C12orf43: variants seen among roughly 807,000 people sequenced by gnomAD.
C12orf43 encodes the protein chromosome 12 open reading frame 43.
A neutral mutation model predicts 20.6 loss-of-function variants in C12orf43; 15 were observed. The observed-to-expected ratio is 0.73, with a 90% CI of 0.49 to 1.12. The LOEUF (loss-of-function observed/expected upper bound fraction) is 1.12, where lower values mean the gene tolerates loss of function less well. C12orf43 is among the 50% of genes most tolerant of loss of function. The pLI, the probability that C12orf43 is intolerant of heterozygous loss-of-function variation, is 0.00. For synonymous variants in C12orf43, 144 were observed against 130.8 expected (o/e 1.10, Z -0.69); for missense variants, 334 against 344.4 (o/e 0.97, Z 0.24).
Position 121,003,974 on chromosome 12 carries a change from T to A in C12orf43, c.*179A>T. 1 of 687,106 alleles carries A rather than the reference T, an allele frequency of 1.5e-6. No homozygotes were observed. Among genetic ancestry groups the A allele is most frequent in the Non-Finnish European group, 2.5e-6 (1 of 400,594 alleles). The allele number at this position is 687,106 out of a possible 1,614,324, so 42.6% of individuals were successfully genotyped here. On this transcript the variant is annotated 3_prime_UTR_variant, in exon 6 of 6. Coordinates refer to ENST00000288757, the MANE Select transcript of C12orf43 (RefSeq NM_022895.3). ...ATTGGTCTTCTCACCCTACAGCCACTTTTTTGGCCCAACTCTCGAGCAAGC... is the reference window on the plus strand; with the variant it reads ...ATTGGTCTTCTCACCCTACAGCCACATTTTTGGCCCAACTCTCGAGCAAGC...
chr12:121,004,961 G>T lies in C12orf43; in HGVS notation c.452+42C>A. 1 of 1,397,382 alleles carries T rather than the reference G, an allele frequency of 7.2e-7. No individual in the cohort carries two copies. Among genetic ancestry groups the T allele is most frequent in the Non-Finnish European group, 9.6e-7 (1 of 1,045,116 alleles). The allele number at this position is 1,397,382 out of a possible 1,614,324, so 86.6% of individuals were successfully genotyped here. On this transcript the variant is annotated intron_variant, in intron 5 of 5. Coordinates refer to ENST00000288757, the MANE Select transcript of C12orf43 (RefSeq NM_022895.3). This position sits in a 1 kb window ranked among gnomAD's most constrained non-coding sequence, Gnocchi z 5.6. ...CAGGGAACCCACCAAGACAGAAGAG[G>T]AGAAAAAAGGAGGGGACGTGAGGAG...
chr12:121,001,292 G>A lies in C12orf43; in HGVS notation c.*2861C>T. 7.0e-7 allele frequency: 1 copy of A among 1,425,524 alleles called. No homozygotes were observed. Among genetic ancestry groups the A allele is most frequent in the African/African-American group, 1.4e-5 (1 of 71,142 alleles). 88.3% of individuals were successfully genotyped at this position (1,425,524 alleles called of 1,614,324 possible). ...GGACCTGAGCCTGCCGAGCAACCGT[G>A]GCCCTTCCTGGACAGCTGTGCCTCG... On this transcript the variant is annotated 3_prime_UTR_variant, in exon 6 of 6. Transcript: ENST00000288757.
In C12orf43 at chr12:121,003,813, A is replaced by C; in HGVS notation, c.*340T>G. On this transcript the variant is annotated 3_prime_UTR_variant, in exon 6 of 6. Transcript: ENST00000288757. ...TCCCCTGCCCACCTCAGACAGTTCT[A>C]GGGAGATGGAGGTTTCACCACTTGG... 1 of 358,350 alleles carries C rather than the reference A, an allele frequency of 2.8e-6. No individual in the cohort carries two copies. The highest frequency in any genetic ancestry group is 5.3e-6 in the Non-Finnish European group (1 of 190,316). 22.2% of individuals were successfully genotyped at this position (358,350 alleles called of 1,614,324 possible).
chr12:121,009,567 A>G (rs912757275), intron 3 of C12orf43, among the ~76,000 whole-genome samples: 1 of 152,140 alleles, frequency 6.6e-6, no homozygotes, highest in African/African-American at 2.4e-5. Flanking sequence ...TGCTCCTATA[A>G]AAAAGGTCTG....
Position 121,001,207 on chromosome 12 carries a change from C to T in C12orf43, c.*2946G>A, listed in dbSNP as rs1332633990. Reference sequence around the variant, plus strand: ...CCTCCCAGTAACCACGGCACCTGGGCCCTGGGGCCTGTACTGCCTGCTTGG... The same window carrying T: ...CCTCCCAGTAACCACGGCACCTGGGTCCTGGGGCCTGTACTGCCTGCTTGG... On this transcript the variant is annotated 3_prime_UTR_variant, in exon 6 of 6. Transcript: ENST00000288757. 6.2e-7 allele frequency: 1 copy of T among 1,613,674 alleles called. No individual in the cohort carries two copies. The highest frequency in any genetic ancestry group is 8.5e-7 in the Non-Finnish European group (1 of 1,179,880).
In C12orf43 at chr12:121,005,473, G is replaced by T. The variant is rs1877935080; in HGVS notation, c.362-380C>A. 1.3e-5 allele frequency among the ~76,000 whole-genome samples: 2 copies of T among 152,220 alleles called. No homozygotes were observed. Among genetic ancestry groups the T allele is most frequent in the Admixed American group, 6.5e-5 (1 of 15,288 alleles). On this transcript the variant is annotated intron_variant, in intron 4 of 5. Coordinates refer to ENST00000288757, the MANE Select transcript of C12orf43 (RefSeq NM_022895.3). This position sits in a 1 kb window ranked among gnomAD's most constrained non-coding sequence, Gnocchi z 5.6. ...CAAAGTGATTCTGCATCTGCCAAGG[G>T]TCATGCTGATGCCTGATGGAGCCAG... is the stretch of plus-strand genomic sequence containing the variant.
chr12:121,006,320 C>T lies in C12orf43; in HGVS notation c.361+1G>A, dbSNP rs746708789. 1 of 1,612,918 alleles carries T rather than the reference C, an allele frequency of 6.2e-7. No individual in the cohort carries two copies. Among genetic ancestry groups the T allele is most frequent in the Non-Finnish European group, 8.5e-7 (1 of 1,178,878 alleles). ...AGCTTCTATTAAGTATAACCACTCA[C>T]CATCATCCTCCAAAGCGACTTTCTG... is the stretch of plus-strand genomic sequence containing the variant. On this transcript the variant is annotated splice_donor_variant, in intron 4 of 5. Coordinates refer to ENST00000288757, the MANE Select transcript of C12orf43 (RefSeq NM_022895.3). LOFTEE classifies it high-confidence loss of function.
rs1400301617 is a variant in C12orf43 at position 121,002,347 on chromosome 12, A to G, written c.*1806T>C. The G allele has an allele frequency of 6.3e-6, 3 of 475,496 alleles. No homozygotes were observed. Among genetic ancestry groups the G allele is most frequent in the Admixed American group, 5.9e-5 (2 of 34,050 alleles). The allele number at this position is 475,496 out of a possible 1,614,324, so 29.5% of individuals were successfully genotyped here. ...GAACCCAGGACAAGCATGGTCCCAC[A>G]TCCCTGGGCCTGCTGCTGAGAACCT... On this transcript the variant is annotated 3_prime_UTR_variant, in exon 6 of 6. Coordinates refer to ENST00000288757, the MANE Select transcript of C12orf43 (RefSeq NM_022895.3).
rs562435929 is a variant in C12orf43 at position 121,015,975 on chromosome 12, T to C, written c.145+355A>G. Among the ~76,000 whole-genome samples, 8 of 152,152 alleles carry C rather than the reference T, an allele frequency of 5.3e-5. No homozygotes were observed. In the South Asian group the frequency reaches 1.5e-3, roughly 28 times the overall value. Reference sequence around the variant, plus strand: ...CTGGGCACTGCTCTTGGCAACAACCTCCAGGGTGGGAGAATGTGTTGGAGG... The same window carrying C: ...CTGGGCACTGCTCTTGGCAACAACCCCCAGGGTGGGAGAATGTGTTGGAGG... On this transcript the variant is annotated intron_variant, in intron 1 of 5. Transcript: ENST00000288757.
At chr12:121,009,639 G>C (rs1180012419) in intron 3 of C12orf43, among the ~76,000 whole-genome samples, 1 of 152,182 alleles carries the variant, frequency 6.6e-6, no homozygotes, top group African/African-American at 2.4e-5. Context: ...ATCTGTACTG[G>C]GAAGAGGGCT....
Position 121,000,828 on chromosome 12 carries a change from G to A in C12orf43, c.*3325C>T. ...CTACCTACCTCGGCATCTCACCGGG[G>A]CTTCTCCAGTGTTCACACTAAGATG... On this transcript the variant is annotated 3_prime_UTR_variant, in exon 6 of 6. Transcript: ENST00000288757. The A allele has an allele frequency of 1.8e-6, 1 of 560,646 alleles. No individual in the cohort carries two copies. 34.7% of individuals were successfully genotyped at this position (560,646 alleles called of 1,614,324 possible). A position where few individuals can be genotyped will look rare whatever the true frequency, so the allele number is the denominator to read the frequency against.
chr12:121,003,745 G>A lies in C12orf43; in HGVS notation c.*408C>T, dbSNP rs745944268. On this transcript the variant is annotated 3_prime_UTR_variant, in exon 6 of 6. Coordinates refer to ENST00000288757, the MANE Select transcript of C12orf43 (RefSeq NM_022895.3). ...TCCCTTCTCTCATTTTCTAAAAACT[G>A]TTTCTCACACCAGGCTAAGGAGGTG... 5.5e-6 allele frequency: 1 copy of A among 180,192 alleles called. No homozygotes were observed. Among genetic ancestry groups the A allele is most frequent in the Non-Finnish European group, 1.2e-5 (1 of 86,060 alleles). The allele number at this position is 180,192 out of a possible 1,614,324, so 11.2% of individuals were successfully genotyped here.
At position 121,001,945 on chromosome 12, in the gene C12orf43, C is replaced by T. The variant is rs1234860721; in HGVS notation, c.*2208G>A. The T allele has an allele frequency of 1.9e-6, 1 of 528,280 alleles. No individual in the cohort carries two copies. The highest frequency in any genetic ancestry group is 1.9e-5 in the African/African-American group (1 of 53,740). The allele number at this position is 528,280 out of a possible 1,614,324, so 32.7% of individuals were successfully genotyped here. A position where few individuals can be genotyped will look rare whatever the true frequency, so the allele number is the denominator to read the frequency against. On this transcript the variant is annotated 3_prime_UTR_variant, in exon 6 of 6. Transcript: ENST00000288757. The stretch of plus-strand genomic sequence containing the variant: ...ATCATGCCTCTGAGGCCAGCCTGGC[C>T]TCCTGCCTCTACTGGGAAGGCTACT...
chr12:121,012,913 G>A (rs1868529450), intron 1 of C12orf43, among the ~76,000 whole-genome samples: 2 of 150,106 alleles, frequency 1.3e-5, no homozygotes, highest in Non-Finnish European at 3.0e-5. Context: ...CTGACTACAG[G>A]GCGTGAGAAA....
chr12:121,014,683 AC>A (rs1868739255), intron 1 of C12orf43, among the ~76,000 whole-genome samples: 1 of 151,374 alleles, frequency 6.6e-6, no homozygotes. Flanking sequence ...AAACAAACAA[AC>A]AAAAAAAACT....
chr12:121,009,890 G>A (rs1374301562), intron 3 of C12orf43, among the ~76,000 whole-genome samples: 1 of 152,214 alleles, frequency 6.6e-6, no homozygotes, highest in Non-Finnish European at 1.5e-5. Flanking sequence ...ACAGTGTCTA[G>A]CATACAGAAG....
chr12:121,000,821 C>A lies in C12orf43; in HGVS notation c.*3332G>T. ...CGTACAACTACCTACCTCGGCATCT[C>A]ACCGGGGCTTCTCCAGTGTTCACAC... On this transcript the variant is annotated 3_prime_UTR_variant, in exon 6 of 6. Transcript: ENST00000288757. 1 of 548,546 alleles carries A rather than the reference C, an allele frequency of 1.8e-6. No homozygotes were observed. The highest frequency in any genetic ancestry group is 3.3e-6 in the Non-Finnish European group (1 of 301,896). The allele number at this position is 548,546 out of a possible 1,614,324, so 34.0% of individuals were successfully genotyped here.
At position 121,001,240 on chromosome 12, in the gene C12orf43, T is replaced by A. The variant is rs754994233; in HGVS notation, c.*2913A>T. On this transcript the variant is annotated 3_prime_UTR_variant, in exon 6 of 6. Transcript: ENST00000288757. ...CCTGTACTGCCTGCTTGGGGGGTGA[T>A]GAGGGCAGCAGCCAGCCCTGCCTGG... The A allele has an allele frequency of 1.9e-6, 3 of 1,608,630 alleles. No individual in the cohort carries two copies. The highest frequency in any genetic ancestry group is 1.3e-5 in the African/African-American group (1 of 74,924).
rs1877981743 is a variant in C12orf43, at chr12:121,005,988, G to GGGCA, written c.361+329_361+332dup. ...TCCCAGAACTTTGGAAGGCTAAGGT[G>GGGCA]GGCAGATGGCTTGAGGCCAGGAGTT... On this transcript the variant is annotated intron_variant, in intron 4 of 5. Coordinates refer to ENST00000288757, the MANE Select transcript of C12orf43 (RefSeq NM_022895.3). This position sits in a 1 kb window ranked among gnomAD's most constrained non-coding sequence, Gnocchi z 5.6. 8.9e-6 allele frequency: 2 copies of GGGCA among 224,374 alleles called. No homozygotes were observed. Among genetic ancestry groups the GGGCA allele is most frequent in the Admixed American group, 1.1e-4 (2 of 18,606 alleles). The allele number at this position is 224,374 out of a possible 1,614,324, so 13.9% of individuals were successfully genotyped here. A position where few individuals can be genotyped will look rare whatever the true frequency, so the allele number is the denominator to read the frequency against.
Sources: allele counts gnomAD v4.1 joint callset (sites outside exome capture counted in the v4.1 genomes callset), GRCh38; gene constraint gnomAD v4.1.1; non-coding constraint Gnocchi (gnomAD v3.1); transcripts MANE v1.5; gene names NCBI Gene and HGNC (gene_info 2026-07-23, HGNC 2026-07-21).